PPARGC1A: variants seen among roughly 807,000 people sequenced by gnomAD.
PPARGC1A encodes peroxisome proliferator-activated receptor gamma coactivator 1-alpha.
In PPARGC1A, 25 loss-of-function variants were observed where a neutral mutation model predicts 88.7. That is an observed-to-expected ratio of 0.28 (90% CI 0.21 to 0.39). The LOEUF (loss-of-function observed/expected upper bound fraction) is 0.39. PPARGC1A is among the 10% of genes least tolerant of loss of function. The probability of loss-of-function intolerance (pLI) is 1.00; values close to 1 mark genes in which losing one functional copy is unlikely to be tolerated. For missense variants in PPARGC1A, 880 were observed against 968.7 expected (o/e 0.91, Z 1.22); for synonymous variants, 363 against 355.6 (o/e 1.02, Z -0.24).
the PPARGC1A span, among the ~76,000 whole-genome samples, chr4:23,949,770 ATC>A: frequency 2.0e-5 from 3 of 152,012 alleles, no homozygotes; most frequent in Non-Finnish European, 4.4e-5. Flanking sequence ...TTCCCCCACA[ATC>A]TATGAAACTC....
At chr4:24,338,302 C>T in the PPARGC1A span, among the ~76,000 whole-genome samples, 2 of 152,098 alleles carry the variant, frequency 1.3e-5, no homozygotes, top group African/African-American at 4.8e-5. Context: ...AAGGCAGACA[C>T]TTGTGGCCTC....
the PPARGC1A span, among the ~76,000 whole-genome samples, chr4:24,089,893 C>G: frequency 3.3e-5 from 5 of 152,194 alleles, no homozygotes; most frequent in African/African-American, 1.2e-4. Context: ...AGGGGTCGAT[C>G]AGCTGTACAG....
the PPARGC1A span, among the ~76,000 whole-genome samples, chr4:24,386,868 CT>C: frequency 6.6e-6 from 1 of 152,182 alleles, no homozygotes. Flanking sequence ...CATTGACTTT[CT>C]TCACAAAATT....
upstream of PPARGC1A, among the ~76,000 whole-genome samples, chr4:23,904,920 T>C (rs1456052905): frequency 1.3e-5 from 2 of 152,220 alleles, no homozygotes; most frequent in Non-Finnish European, 2.9e-5. Context: ...CTTAAAGCAT[T>C]CTCCTTTTTG....
chr4:24,432,266 A>G, the PPARGC1A span, among the ~76,000 whole-genome samples: 2 of 152,202 alleles, frequency 1.3e-5, no homozygotes, highest in African/African-American at 4.8e-5. Flanking sequence ...TCTGTGACAG[A>G]AAAGAAGAGG....
the PPARGC1A span, among the ~76,000 whole-genome samples, chr4:24,066,888 C>T: frequency 8.5e-5 from 9 of 106,244 alleles, no homozygotes; most frequent in African/African-American, 3.2e-4. Context: ...AGATATTGTG[C>T]CACTGAAACC....
chr4:24,444,583 G>A, the PPARGC1A span, among the ~76,000 whole-genome samples: 3 of 152,196 alleles, frequency 2.0e-5, no homozygotes, highest in Non-Finnish European at 4.4e-5. Context: ...ACAGAGAACA[G>A]TACAGGGTCA....
the PPARGC1A span, among the ~76,000 whole-genome samples, chr4:24,271,990 C>A: frequency 1.3e-5 from 2 of 152,052 alleles, no homozygotes; most frequent in Non-Finnish European, 2.9e-5. Context: ...ATAAAAGTGA[C>A]CAAGTGTTCT....
the PPARGC1A span, among the ~76,000 whole-genome samples, chr4:24,035,524 C>T: frequency 1.5e-4 from 23 of 151,074 alleles, no homozygotes; most frequent in Non-Finnish European, 2.9e-5. Context: ...CCAGCCTGGG[C>T]GATGGAGCAA....
intron 2 of PPARGC1A, among the ~76,000 whole-genome samples, chr4:23,842,694 T>C (rs571415256): frequency 9.2e-5 from 14 of 152,102 alleles, no homozygotes; most frequent in African/African-American, 1.7e-4. Flanking sequence ...TCTCCAGATA[T>C]GCCAAATGTT....
Position 23,812,885 on chromosome 4 carries a change from A to G in PPARGC1A, c.1899-18T>C. ...TGTCATACCTGGGAAACATAACTTT[A>G]TCACTAAGTCAACCACCTCAATTTT... On this transcript the variant is annotated intron_variant, in intron 9 of 12. Transcript: ENST00000264867. The G allele has an allele frequency of 6.2e-7, 1 of 1,613,940 alleles. No homozygotes were observed. The highest frequency in any genetic ancestry group is 1.1e-5 in the South Asian group (1 of 91,078).
chr4:24,097,653 T>C, the PPARGC1A span, among the ~76,000 whole-genome samples: 1 of 152,162 alleles, frequency 6.6e-6, no homozygotes, highest in Non-Finnish European at 1.5e-5. Flanking sequence ...AACTCTATAA[T>C]AAAACAAATA....
the PPARGC1A span, among the ~76,000 whole-genome samples, chr4:24,140,104 C>T: frequency 6.6e-6 from 1 of 152,170 alleles, no homozygotes; most frequent in African/African-American, 2.4e-5. Flanking sequence ...AGAGCCAAAA[C>T]CCGCCTTTGA....
At chr4:24,274,051 T>A in the PPARGC1A span, among the ~76,000 whole-genome samples, 2 of 152,002 alleles carry the variant, frequency 1.3e-5, no homozygotes, top group East Asian at 1.9e-4. Flanking sequence ...GGCACTTTTT[T>A]AAAGTCCTGT....
At chr4:24,231,895 T>G in the PPARGC1A span, among the ~76,000 whole-genome samples, 2 of 152,136 alleles carry the variant, frequency 1.3e-5, no homozygotes, top group African/African-American at 4.8e-5. Flanking sequence ...GGGAAAAAAG[T>G]AACAACTATT....
chr4:23,817,812 G>A lies in PPARGC1A; in HGVS notation c.878-3207C>T, dbSNP rs558367394. 1.4e-3 allele frequency among the ~76,000 whole-genome samples: 220 copies of A among 152,194 alleles called. 1 individual carries two copies. The highest frequency in any genetic ancestry group is 2.5e-3 in the Non-Finnish European group (173 of 68,012). On this transcript the variant is annotated intron_variant, in intron 7 of 12. Transcript: ENST00000264867. ...GGATGACAAGATTTCCTATCACCAA[G>A]TGCCTCCCTAATGGAAAGCCTATCT...
chr4:24,324,510 C>T, the PPARGC1A span, among the ~76,000 whole-genome samples: 4 of 152,102 alleles, frequency 2.6e-5, no homozygotes, highest in Non-Finnish European at 2.9e-5. Flanking sequence ...ATTCCTCCTC[C>T]TTCTCCCTTA....
chr4:24,155,602 A>G, the PPARGC1A span, among the ~76,000 whole-genome samples: 1 of 151,682 alleles, frequency 6.6e-6, no homozygotes, highest in Non-Finnish European at 1.5e-5. Flanking sequence ...CCCTGTCAAA[A>G]AAAAAAAAAA....
intron 2 of PPARGC1A, among the ~76,000 whole-genome samples, chr4:23,847,719 A>C (rs1180770150): frequency 6.6e-6 from 1 of 152,204 alleles, no homozygotes; most frequent in Admixed American, 6.5e-5. Flanking sequence ...AATATTATGA[A>C]ACGAATCAAG....
Sources: gnomAD v4.1 joint callset for allele counts (sites outside exome capture counted in the v4.1 genomes callset) on GRCh38, gnomAD v4.1.1 for gene constraint, MANE v1.5 for transcripts, NCBI Gene and HGNC (gene_info 2026-07-23, HGNC 2026-07-21) for gene names.